FAF1: variants seen among roughly 807,000 people sequenced by gnomAD.
FAF1 encodes FAS-associated factor 1.
FAF1 carries 25 observed loss-of-function variants against 92.5 expected under a neutral mutation model. The observed-to-expected ratio is 0.27, with a 90% CI of 0.20 to 0.38. FAF1 has a LOEUF of 0.38. Among genes scored for constraint, FAF1 ranks in the 10% least tolerant of loss-of-function variants. The pLI is 1.00. For missense variants in FAF1, 636 were observed against 793.3 expected (o/e 0.80, Z 2.38); for synonymous variants, 234 against 273.2 (o/e 0.86, Z 1.42).
chr1:50,647,157 C>A lies in FAF1; in HGVS notation c.744+8285G>T, dbSNP rs904852977. 2.0e-5 allele frequency among the ~76,000 whole-genome samples: 3 copies of A among 152,006 alleles called. No individual in the cohort carries two copies. The South Asian group carries it at 6.3e-4, about 32-fold the overall frequency. On this transcript the variant is annotated intron_variant, in intron 8 of 18. Transcript: ENST00000396153. The stretch of plus-strand genomic sequence containing the variant: ...AGCCACCATGCCCAGCCTAGGGCTC[C>A]GGACTTCTACATTTGAGTCCTGGTG...
intron 1 of FAF1, among the ~76,000 whole-genome samples, chr1:50,881,962 T>C (rs1265344922): frequency 2.0e-5 from 3 of 152,232 alleles, no homozygotes; most frequent in African/African-American, 7.2e-5. Flanking sequence ...CTTCAGTTGA[T>C]GTATTTGGAG....
chr1:50,447,167 CCAGGCTGGAGTG>C (rs2148976521), intron 18 of FAF1, among the ~76,000 whole-genome samples: 1 of 125,846 alleles, frequency 7.9e-6, no homozygotes, highest in East Asian at 2.4e-4. Flanking sequence ...CCTCTGTTGT[CCAGGCTGGAGTG>C]CAGGGGCACG....
At chr1:50,460,808 A>G (rs1325790040) in intron 18 of FAF1, among the ~76,000 whole-genome samples, 3 of 147,022 alleles carry the variant, frequency 2.0e-5, no homozygotes, top group East Asian at 4.0e-4. Flanking sequence ...GTATTTGTAT[A>G]TGTGTGTGTG....
rs117929904 is a variant in FAF1 at position 50,917,843 on chromosome 1, G to A, written c.45+41924C>T. Among the ~76,000 whole-genome samples, 253 of 152,214 alleles carry A rather than the reference G, an allele frequency of 1.7e-3. 7 individuals carry two copies. The East Asian group carries it at 0.042, about 25-fold the overall frequency. On this transcript the variant is annotated intron_variant, in intron 1 of 18. Transcript: ENST00000396153. The stretch of plus-strand genomic sequence containing the variant: ...AGTCACACACTGGGAGAAAATGTTC[G>A]CAATACATTTATCTGATGAACCTCA...
intron 1 of FAF1, among the ~76,000 whole-genome samples, chr1:50,876,428 G>A (rs1030118775): frequency 6.6e-6 from 1 of 152,110 alleles, no homozygotes; most frequent in African/African-American, 2.4e-5. Context: ...AGACGAACCT[G>A]GAACACCTTG....
At chr1:50,656,892 TAATAAA>T (rs1186015437) in intron 7 of FAF1, among the ~76,000 whole-genome samples, 3 of 151,594 alleles carry the variant, frequency 2.0e-5, no homozygotes, top group Non-Finnish European at 2.9e-5. Context: ...CAAAAGAAAA[TAATAAA>T]AATAAAAATA....
chr1:50,604,065 A>G (rs148443132), intron 8 of FAF1, among the ~76,000 whole-genome samples: 4 of 152,314 alleles, frequency 2.6e-5, no homozygotes, highest in Non-Finnish European at 5.9e-5. Context: ...CTACCATGTA[A>G]GCAACCGGAG....
chr1:50,501,901 T>G (rs911292083), intron 15 of FAF1, among the ~76,000 whole-genome samples: 1 of 152,192 alleles, frequency 6.6e-6, no homozygotes, highest in East Asian at 1.9e-4. Flanking sequence ...ATATAAAATG[T>G]GTACACAAAT....
intron 6 of FAF1, among the ~76,000 whole-genome samples, chr1:50,737,623 A>G (rs2124483337): frequency 6.6e-6 from 1 of 152,362 alleles, no homozygotes; most frequent in East Asian, 1.9e-4. Flanking sequence ...CGGTCTAAAC[A>G]TAGAAAATAA....
chr1:50,550,634 G>A (rs879350665), intron 13 of FAF1, among the ~76,000 whole-genome samples: 2 of 151,986 alleles, frequency 1.3e-5, no homozygotes, highest in African/African-American at 4.8e-5. Flanking sequence ...GAGTATTTAA[G>A]GACCACATCA....
intron 13 of FAF1, among the ~76,000 whole-genome samples, chr1:50,561,874 G>GAAGA (rs1649927850): frequency 6.6e-6 from 1 of 151,524 alleles, no homozygotes; most frequent in Admixed American, 6.6e-5. Flanking sequence ...AGGAAGGAAG[G>GAAGA]AAGGAAGGAA....
At chr1:50,713,885 C>T (rs1425554228) in intron 6 of FAF1, among the ~76,000 whole-genome samples, 2 of 151,006 alleles carry the variant, frequency 1.3e-5, no homozygotes, top group African/African-American at 4.9e-5. Context: ...GCAATCCTCC[C>T]GGCTCAGCCT....
intron 13 of FAF1, among the ~76,000 whole-genome samples, chr1:50,546,091 A>AG (rs1190465473): frequency 8.5e-5 from 13 of 152,198 alleles, no homozygotes; most frequent in African/African-American, 2.7e-4. Flanking sequence ...GCTTGAGGCC[A>AG]GGAATTTGAA....
At chr1:50,758,812 G>A (rs1660192494) in intron 4 of FAF1, among the ~76,000 whole-genome samples, 1 of 152,018 alleles carries the variant, frequency 6.6e-6, no homozygotes, top group Admixed American at 6.6e-5. Context: ...GGTGTGCGCT[G>A]CTTCTGATAG....
chr1:50,494,171 T>C (rs1646872909), intron 15 of FAF1, among the ~76,000 whole-genome samples: 1 of 152,240 alleles, frequency 6.6e-6, no homozygotes, highest in Non-Finnish European at 1.5e-5. Context: ...TTTCTTCTTA[T>C]CTGTTCCTCA....
intron 7 of FAF1, among the ~76,000 whole-genome samples, chr1:50,701,720 A>G (rs1378260420): frequency 6.6e-6 from 1 of 152,108 alleles, no homozygotes; most frequent in African/African-American, 2.4e-5. Context: ...CTGTGTATTT[A>G]GTTCATTCAG....
intron 18 of FAF1, among the ~76,000 whole-genome samples, chr1:50,471,766 C>T (rs1002115126): frequency 5.3e-5 from 8 of 152,068 alleles, no homozygotes; most frequent in African/African-American, 1.7e-4. Flanking sequence ...TAGTGCTTTC[C>T]AGTCATTTTA....
chr1:50,447,157 C>G (rs373037636), intron 18 of FAF1, among the ~76,000 whole-genome samples: 32 of 139,978 alleles, frequency 2.3e-4, no homozygotes, highest in African/African-American at 8.0e-4. Context: ...ATGGAGTCTC[C>G]CTCTGTTGTC....
At position 50,665,828 on chromosome 1, in the gene FAF1, A is replaced by C. The variant is rs1450550444; in HGVS notation, c.658-10300T>G. 4.6e-5 allele frequency among the ~76,000 whole-genome samples: 7 copies of C among 152,204 alleles called. No homozygotes were observed. In the East Asian group the frequency reaches 1.3e-3, roughly 29 times the overall value. On this transcript the variant is annotated intron_variant, in intron 7 of 18. Coordinates refer to ENST00000396153, the MANE Select transcript of FAF1 (RefSeq NM_007051.3). Reference sequence around the variant, plus strand: ...TACAAAATAATATGCATCTCTGTTTAAGTTATGTCTGTATAAGTATAGGTA... The same window carrying C: ...TACAAAATAATATGCATCTCTGTTTCAGTTATGTCTGTATAAGTATAGGTA...
Sources: gnomAD v4.1 joint callset for allele counts (sites outside exome capture counted in the v4.1 genomes callset) on GRCh38, gnomAD v4.1.1 for gene constraint, MANE v1.5 for transcripts, NCBI Gene and HGNC (gene_info 2026-07-23, HGNC 2026-07-21) for gene names.